TGM6: variants seen among roughly 807,000 people sequenced by gnomAD.
The protein encoded by TGM6 is transglutaminase 6, also known as protein-glutamine gamma-glutamyltransferase 6.
In TGM6, 74 loss-of-function variants were observed where a neutral mutation model predicts 77.5. That is an observed-to-expected ratio of 0.96 (90% CI 0.79 to 1.16). The LOEUF is 1.16. Among genes scored for constraint, TGM6 ranks in the 50% most tolerant of loss-of-function variants. TGM6 has a pLI of 0.00. For synonymous variants in TGM6, 383 were observed against 378.9 expected, an observed-to-expected ratio of 1.01 and a Z score of -0.12; for missense variants, 968 against 940.2, an observed-to-expected ratio of 1.03 and a Z score of -0.39.
intron 1 of TGM6, among the ~76,000 whole-genome samples, chr20:2,381,334 G>A (rs2084553347): frequency 6.6e-6 from 1 of 152,162 alleles, no homozygotes; most frequent in South Asian, 2.1e-4. Context: ...ACGTTTCTGG[G>A]CATAGTTGGG....
At chr20:2,430,392 T>G in intron 10 of TGM6, 54 bp from the exon 11 acceptor site, 3 of 1,604,334 alleles carry the variant, frequency 1.9e-6, no homozygotes, top group Non-Finnish European at 1.7e-6. Context: ...TTCTTCCCAG[T>G]GCCATTGAAG....
intron 5 of TGM6, among the ~76,000 whole-genome samples, chr20:2,398,717 C>A (rs1385643113): frequency 3.3e-5 from 5 of 152,108 alleles, no homozygotes; most frequent in Non-Finnish European, 7.3e-5. Flanking sequence ...TCAAGAGGAA[C>A]CCTCTTCTTG....
At chr20:2,412,448 C>A (rs1300492393) in intron 9 of TGM6, among the ~76,000 whole-genome samples, 1 of 151,934 alleles carries the variant, frequency 6.6e-6, no homozygotes, top group African/African-American at 2.4e-5. Flanking sequence ...CTTAATGACA[C>A]TGAAGTATAC....
intron 1 of TGM6, among the ~76,000 whole-genome samples, chr20:2,383,862 C>T (rs2084573367): frequency 6.6e-6 from 1 of 152,130 alleles, no homozygotes; most frequent in African/African-American, 2.4e-5. Flanking sequence ...CATCATAGCA[C>T]TTTGCGAGGC....
chr20:2,431,076 T>C, intron 12 of TGM6, 49 bp downstream of exon 12: 2 of 1,576,298 alleles, frequency 1.3e-6, no homozygotes, highest in South Asian at 1.1e-5. Flanking sequence ...CTCTTCCTTG[T>C]GGATGAGCCA....
Position 2,399,707 on chromosome 20 carries a change from G to A in TGM6, c.819G>A (p.Gln273=). The change falls in exon 6 of 13, where the codon CAG becomes CAA. Residue 273 remains glutamine, a synonymous_variant. Coordinates refer to ENST00000202625, the MANE Select transcript of TGM6 (RefSeq NM_198994.3). The part of the protein sequence containing the change: ...KGRYKPVKYG[Q]CWVFAGVLCT... ...GGTACAAGCCAGTCAAGTACGGCCA[G>A]TGCTGGGTCTTCGCCGGAGTCCTGT... is the stretch of plus-strand genomic sequence containing the variant. The A allele has an allele frequency of 6.2e-7, 1 of 1,614,124 alleles. No individual in the cohort carries two copies. Among genetic ancestry groups the A allele is most frequent in the Non-Finnish European group, 8.5e-7 (1 of 1,180,032 alleles).
chr20:2,406,602 G>A (rs1045213644), intron 9 of TGM6, among the ~76,000 whole-genome samples: 4 of 151,372 alleles, frequency 2.6e-5, no homozygotes, highest in Admixed American at 1.3e-4. Flanking sequence ...CTGGGAGGCC[G>A]AGGCAGGCAG....
At chr20:2,399,352 G>C (rs2084689411) in intron 5 of TGM6, among the ~76,000 whole-genome samples, 1 of 152,170 alleles carries the variant, frequency 6.6e-6, no homozygotes, top group Non-Finnish European at 1.5e-5. Context: ...TTACAACACA[G>C]TATCCAAATG....
chr20:2,406,759 T>C (rs2084753836), intron 9 of TGM6, among the ~76,000 whole-genome samples: 1 of 136,404 alleles, frequency 7.3e-6, no homozygotes, highest in Admixed American at 8.7e-5. Flanking sequence ...TGCTTGAACC[T>C]GGGAGGCGGA....
At chr20:2,385,734 C>T (rs1434502558) in intron 1 of TGM6, among the ~76,000 whole-genome samples, 5 of 152,110 alleles carry the variant, frequency 3.3e-5, no homozygotes, top group South Asian at 2.1e-4. Flanking sequence ...TCCTCGAGGG[C>T]GGGCCCAAGG....
intron 7 of TGM6, among the ~76,000 whole-genome samples, chr20:2,401,306 T>C (rs1469442111): frequency 1.3e-5 from 2 of 152,220 alleles, no homozygotes; most frequent in African/African-American, 4.8e-5. Context: ...GTTGCAGTGA[T>C]GTCTCCCTCC....
intron 10 of TGM6, among the ~76,000 whole-genome samples, chr20:2,427,667 A>T (rs886699718): frequency 1.3e-5 from 2 of 152,122 alleles, no homozygotes. Context: ...CTTTTCTATC[A>T]TATGTATTGA....
At chr20:2,408,203 G>A (rs1362355330) in intron 9 of TGM6, among the ~76,000 whole-genome samples, 1 of 152,252 alleles carries the variant, frequency 6.6e-6, no homozygotes, top group Non-Finnish European at 1.5e-5. Context: ...AATGACAGGG[G>A]CTTGTGCCTC....
At chr20:2,411,343 A>T (rs903138342) in intron 9 of TGM6, among the ~76,000 whole-genome samples, 2 of 152,216 alleles carry the variant, frequency 1.3e-5, no homozygotes. Flanking sequence ...TGGGTTTAAC[A>T]TTGAAAATCA....
chr20:2,384,028 A>G (rs2084575501), intron 1 of TGM6, among the ~76,000 whole-genome samples: 1 of 147,828 alleles, frequency 6.8e-6, no homozygotes, highest in African/African-American at 2.5e-5. Flanking sequence ...AATGGCATGA[A>G]CCCGGGAGGC....
At chr20:2,430,761 G>A in intron 11 of TGM6, 133 bp from the exon 12 acceptor site, 1 of 1,585,070 alleles carries the variant, frequency 6.3e-7, no homozygotes, top group Admixed American at 1.7e-5. Flanking sequence ...TGCAATAGTG[G>A]CACTCAGCAA....
At chr20:2,397,702 G>A (rs575349918) in intron 4 of TGM6, among the ~76,000 whole-genome samples, 6 of 152,124 alleles carry the variant, frequency 3.9e-5, no homozygotes, top group Non-Finnish European at 8.8e-5. Context: ...GTTGAGCAGG[G>A]GAGAGACATG....
chr20:2,429,744 C>G (rs1265942593), intron 10 of TGM6, among the ~76,000 whole-genome samples: 1 of 151,070 alleles, frequency 6.6e-6, no homozygotes, highest in South Asian at 2.1e-4. Flanking sequence ...ACTCCAGCCT[C>G]GCGACAGAGC....
At chr20:2,412,180 G>A (rs1568664792) in intron 9 of TGM6, among the ~76,000 whole-genome samples, 1 of 152,120 alleles carries the variant, frequency 6.6e-6, no homozygotes, top group Non-Finnish European at 1.5e-5. Context: ...AACAAATGCT[G>A]GAACACAGAA....
Sources: allele counts gnomAD v4.1 joint callset (sites outside exome capture counted in the v4.1 genomes callset), GRCh38; gene constraint gnomAD v4.1.1; transcripts MANE v1.5; gene names NCBI Gene and HGNC (gene_info 2026-07-23, HGNC 2026-07-21).